VTI1A: variants seen among roughly 807,000 people sequenced by gnomAD.
VTI1A encodes vesicle transport through interaction with t-SNAREs homolog 1A.
A neutral mutation model predicts 34.9 loss-of-function variants in VTI1A; 22 were observed. That is an observed-to-expected ratio of 0.63 (90% CI 0.45 to 0.90). The LOEUF (loss-of-function observed/expected upper bound fraction) is 0.90. Ranked by LOEUF, VTI1A falls within the 40% of genes least tolerant of loss-of-function variation. The pLI is 0.00. For missense variants in VTI1A, 268 were observed against 275.6 expected (o/e 0.97, Z 0.20); for synonymous variants, 87 against 97.3 (o/e 0.89, Z 0.62).
intron 5 of VTI1A, among the ~76,000 whole-genome samples, chr10:112,616,067 A>G (rs1845504018): frequency 6.6e-6 from 1 of 152,210 alleles, no homozygotes; most frequent in South Asian, 2.1e-4. Flanking sequence ...ATATTACTGG[A>G]TATTAGATAA....
At chr10:112,821,230 C>T (rs1353650413), downstream of VTI1A, among the ~76,000 whole-genome samples, 7 of 152,180 alleles carry the variant, frequency 4.6e-5, no homozygotes, top group Non-Finnish European at 8.8e-5. Flanking sequence ...TCAGCGGCTC[C>T]GAAGCCGTAT....
intron 7 of VTI1A, among the ~76,000 whole-genome samples, chr10:112,772,150 C>A (rs955513387): frequency 1.3e-5 from 2 of 152,214 alleles, no homozygotes; most frequent in Non-Finnish European, 2.9e-5. Context: ...AGCAGCTGTA[C>A]TATTTTATAT....
intron 5 of VTI1A, among the ~76,000 whole-genome samples, chr10:112,604,598 C>G (rs1845002744): frequency 6.6e-6 from 1 of 152,194 alleles, no homozygotes; most frequent in African/African-American, 2.4e-5. Context: ...TTCCACACAA[C>G]CAGATGTATC....
intron 5 of VTI1A, among the ~76,000 whole-genome samples, chr10:112,546,464 A>G (rs545554949): frequency 6.6e-6 from 1 of 152,148 alleles, no homozygotes; most frequent in East Asian, 1.9e-4. Context: ...TAATATGGCT[A>G]TGTCTGTTAA....
chr10:112,786,675 T>A lies in VTI1A; in HGVS notation c.561-28615T>A, dbSNP rs1024727761. 5.3e-5 allele frequency among the ~76,000 whole-genome samples: 8 copies of A among 152,246 alleles called. No homozygotes were observed. In the East Asian group the frequency reaches 7.7e-4, roughly 15 times the overall value. ...AGGTGTTACATTTTGCCAAGTGTTT[T>A]TTCTCTAATGAAATGATTATGTGAT... On this transcript the variant is annotated intron_variant, in intron 7 of 7. Transcript: ENST00000393077.
intron 3 of VTI1A, among the ~76,000 whole-genome samples, chr10:112,500,929 C>T (rs1849212639): frequency 6.6e-6 from 1 of 152,152 alleles, no homozygotes; most frequent in African/African-American, 2.4e-5. Context: ...AGCATGTAAG[C>T]CCCAGGTCAG....
chr10:112,577,971 C>T (rs1467019403), intron 5 of VTI1A, among the ~76,000 whole-genome samples: 1 of 152,102 alleles, frequency 6.6e-6, no homozygotes, highest in Admixed American at 6.5e-5. Context: ...AACGCTTATC[C>T]GACCTCATAG....
chr10:112,827,925 C>T, the VTI1A span, among the ~76,000 whole-genome samples: 5 of 151,990 alleles, frequency 3.3e-5, no homozygotes, highest in Admixed American at 3.3e-4. Flanking sequence ...TTTTATTTTT[C>T]TTTAATTTCC....
At chr10:112,624,653 C>T (rs1200688606) in intron 5 of VTI1A, among the ~76,000 whole-genome samples, 1 of 152,028 alleles carries the variant, frequency 6.6e-6, no homozygotes, top group African/African-American at 2.4e-5. Flanking sequence ...ATGGCTCAAA[C>T]CTCATAACCT....
chr10:112,460,400 T>C, intron 1 of VTI1A, 124 bp from the exon 2 acceptor site: 1 of 786,580 alleles, frequency 1.3e-6, no homozygotes. Context: ...AATGATATGC[T>C]CTTTTGCCTT....
chr10:112,544,415 A>C (rs1212425316), intron 5 of VTI1A, among the ~76,000 whole-genome samples: 2 of 152,122 alleles, frequency 1.3e-5, no homozygotes, highest in Non-Finnish European at 2.9e-5. Flanking sequence ...TTTTTAGTAG[A>C]GACAGGGTTT....
At chr10:112,701,561 A>G (rs1849012109) in intron 7 of VTI1A, among the ~76,000 whole-genome samples, 1 of 152,166 alleles carries the variant, frequency 6.6e-6, no homozygotes, top group Non-Finnish European at 1.5e-5. Flanking sequence ...TTAATGTAGT[A>G]TTTGCCAAAT....
At chr10:112,843,582 A>G in the VTI1A span, among the ~76,000 whole-genome samples, 4 of 152,190 alleles carry the variant, frequency 2.6e-5, no homozygotes, top group Non-Finnish European at 5.9e-5. Context: ...CCTGAGTCAA[A>G]CATATACGTT....
intron 5 of VTI1A, among the ~76,000 whole-genome samples, chr10:112,610,958 G>A (rs1845285896): frequency 6.6e-6 from 1 of 152,056 alleles, no homozygotes; most frequent in African/African-American, 2.4e-5. Flanking sequence ...CTGAACTTTA[G>A]GATGGATCTA....
chr10:112,562,660 A>G (rs777157692), intron 5 of VTI1A, among the ~76,000 whole-genome samples: 1 of 152,060 alleles, frequency 6.6e-6, no homozygotes. Context: ...CTTTTGTACC[A>G]TTAATAATAA....
chr10:112,724,311 A>G (rs547229364), intron 7 of VTI1A, among the ~76,000 whole-genome samples: 25 of 152,304 alleles, frequency 1.6e-4, no homozygotes, highest in Admixed American at 6.5e-5. Context: ...AAATATGCCA[A>G]TCATCTACAG....
intron 5 of VTI1A, among the ~76,000 whole-genome samples, chr10:112,631,208 G>A (rs538280481): frequency 8.6e-5 from 13 of 151,920 alleles, no homozygotes; most frequent in Admixed American, 4.6e-4. Flanking sequence ...TGATAAGAGC[G>A]TAGTATAGAG....
At chr10:112,648,456 G>T (rs1846887713) in intron 5 of VTI1A, among the ~76,000 whole-genome samples, 1 of 152,182 alleles carries the variant, frequency 6.6e-6, no homozygotes, top group African/African-American at 2.4e-5. Context: ...ACCAAGCTCA[G>T]TGCACCAGAC....
At chr10:112,457,473 T>A (rs1847575806) in intron 1 of VTI1A, among the ~76,000 whole-genome samples, 1 of 152,032 alleles carries the variant, frequency 6.6e-6, no homozygotes, top group African/African-American at 2.4e-5. Context: ...TACATAAGAG[T>A]TATAGATATT....
Sources: gnomAD v4.1 joint callset for allele counts (sites outside exome capture counted in the v4.1 genomes callset) on GRCh38, gnomAD v4.1.1 for gene constraint, MANE v1.5 for transcripts, NCBI Gene and HGNC (gene_info 2026-07-23, HGNC 2026-07-21) for gene names.